Variants in ANKIB1 observed in about 807,000 individuals in gnomAD.
ANKIB1 encodes the protein ankyrin repeat and IBR domain containing 1.
Under a neutral mutation model 122.1 loss-of-function variants are expected in ANKIB1, and 43 were observed. That is an observed-to-expected ratio of 0.35 (90% CI 0.28 to 0.45). ANKIB1 has a LOEUF of 0.45. Among genes scored for constraint, ANKIB1 ranks in the 20% least tolerant of loss-of-function variants. The pLI is 1.00. For missense variants in ANKIB1, 992 were observed against 1,329.5 expected (o/e 0.75, Z 3.95); for synonymous variants, 390 against 442.0 (o/e 0.88, Z 1.48).
At chr7:92,346,558 G>T (rs1336073065) in intron 7 of ANKIB1, among the ~76,000 whole-genome samples, 2 of 152,192 alleles carry the variant, frequency 1.3e-5, no homozygotes, top group Non-Finnish European at 2.9e-5. Context: ...ACTTAGATAG[G>T]ATCAGATCAG....
intron 11 of ANKIB1, among the ~76,000 whole-genome samples, chr7:92,384,761 T>A (rs1435696965): frequency 6.6e-6 from 1 of 152,092 alleles, no homozygotes; most frequent in East Asian, 1.9e-4. Context: ...ACTTAACTAT[T>A]AGACCTAAAA....
chr7:92,382,944 G>A (rs529100426), intron 11 of ANKIB1, among the ~76,000 whole-genome samples: 113 of 152,092 alleles, frequency 7.4e-4, no homozygotes, highest in African/African-American at 2.6e-3. Flanking sequence ...AAATCAATGA[G>A]TCCAGGAGCT....
chr7:92,322,020 A>G (rs896028487), intron 4 of ANKIB1, among the ~76,000 whole-genome samples: 1 of 152,184 alleles, frequency 6.6e-6, no homozygotes, highest in Non-Finnish European at 1.5e-5. Flanking sequence ...ACTTGCCAGA[A>G]TCAAAGTGAG....
At chr7:92,350,034 GAAA>G (rs1221333108) in intron 7 of ANKIB1, among the ~76,000 whole-genome samples, 1 of 148,572 alleles carries the variant, frequency 6.7e-6, no homozygotes, top group African/African-American at 2.5e-5. Flanking sequence ...GAAAAGGAAA[GAAA>G]AAAAAGAACC....
intron 1 of ANKIB1, among the ~76,000 whole-genome samples, chr7:92,258,901 C>A (rs550124759): frequency 3.4e-4 from 52 of 152,252 alleles, no homozygotes; most frequent in African/African-American, 1.3e-3. Flanking sequence ...TAGCATCAAC[C>A]ACACATCAAA....
At position 92,396,405 on chromosome 7, in the gene ANKIB1, G is replaced by A. The variant is rs370944314; in HGVS notation, c.2324G>A (p.Arg775His). 10 of 1,598,006 alleles carry A rather than the reference G, an allele frequency of 6.3e-6. No individual in the cohort carries two copies. The highest frequency in any genetic ancestry group is 2.3e-5 in the East Asian group (1 of 44,380). The change falls in exon 18 of 20, where the codon CGT becomes CAT. Residue 775 changes from arginine to histidine, a missense_variant. Physicochemically the swap from Arg to His is conservative, Grantham distance 29. Coordinates refer to ENST00000265742, the MANE Select transcript of ANKIB1 (RefSeq NM_019004.2). ...EFQYRRRHRQ[R>H]RRGDVHSLLS... ...CAGTATCGGAGGAGGCACAGACAAC[G>A]TCGTCGAGGAGATGTTCACAGTCTA...
chr7:92,365,079 C>G (rs974159224), intron 10 of ANKIB1, among the ~76,000 whole-genome samples: 5 of 152,022 alleles, frequency 3.3e-5, no homozygotes, highest in African/African-American at 1.2e-4. Context: ...TAAATGTTAT[C>G]TTCATTATTT....
intron 5 of ANKIB1, among the ~76,000 whole-genome samples, chr7:92,340,674 TG>T (rs569965949): frequency 2.0e-3 from 305 of 152,346 alleles, no homozygotes; most frequent in African/African-American, 6.9e-3. Flanking sequence ...TTTAAATTTT[TG>T]TTGTAAGTAT....
rs922117606 is a variant in ANKIB1 at position 92,246,235 on chromosome 7, G to A, written c.-375G>A. ...CTTCCCCTCCCCCGAGTGAGGCGGCGCAGCGGCCGGAGAGGGATGGGGGGC... is the reference window on the plus strand; with the variant it reads ...CTTCCCCTCCCCCGAGTGAGGCGGCACAGCGGCCGGAGAGGGATGGGGGGC... On this transcript the variant is annotated 5_prime_UTR_variant, in exon 1 of 20. Transcript: ENST00000265742. 2.7e-6 allele frequency: 1 copy of A among 376,858 alleles called. No individual in the cohort carries two copies. The allele number at this position is 376,858 out of a possible 1,614,324, so 23.3% of individuals were successfully genotyped here.
intron 10 of ANKIB1, among the ~76,000 whole-genome samples, chr7:92,367,153 T>C (rs1206470300): frequency 6.6e-6 from 1 of 152,216 alleles, no homozygotes; most frequent in Non-Finnish European, 1.5e-5. Flanking sequence ...GATGGAAGAA[T>C]GTTTGAAAAC....
chr7:92,288,412 T>A (rs1206385670), intron 1 of ANKIB1, among the ~76,000 whole-genome samples: 2 of 152,208 alleles, frequency 1.3e-5, no homozygotes, highest in African/African-American at 2.4e-5. Flanking sequence ...TTAAAATGTT[T>A]GTTCTCCCAG....
At chr7:92,253,973 T>A (rs1247302127) in intron 1 of ANKIB1, among the ~76,000 whole-genome samples, 1 of 152,170 alleles carries the variant, frequency 6.6e-6, no homozygotes, top group Non-Finnish European at 1.5e-5. Flanking sequence ...GATCTATGAG[T>A]TCAGGAACCA....
At chr7:92,253,968 A>G (rs756143141) in intron 1 of ANKIB1, among the ~76,000 whole-genome samples, 3 of 152,198 alleles carry the variant, frequency 2.0e-5, no homozygotes, top group African/African-American at 4.8e-5. Flanking sequence ...GAAGTGATCT[A>G]TGAGTTCAGG....
At chr7:92,360,074 AT>A (rs149922393) in intron 9 of ANKIB1, among the ~76,000 whole-genome samples, 11,951 of 151,490 alleles carry the variant, frequency 0.079, 633 homozygotes, top group Middle Eastern at 0.12. Flanking sequence ...CAATTGGTGC[AT>A]TTTTTTTTAC....
At chr7:92,328,585 G>A (rs549089223) in intron 5 of ANKIB1, among the ~76,000 whole-genome samples, 1 of 151,930 alleles carries the variant, frequency 6.6e-6, no homozygotes, top group African/African-American at 2.4e-5. Context: ...TGACATTTTG[G>A]CTGGTTTCAT....
intron 5 of ANKIB1, among the ~76,000 whole-genome samples, chr7:92,328,832 C>G (rs1803088553): frequency 6.6e-6 from 1 of 150,708 alleles, no homozygotes; most frequent in Non-Finnish European, 1.5e-5. Flanking sequence ...GTAAAACTCC[C>G]TATTTTATCA....
rs1234372111 is a variant in ANKIB1 at position 92,400,883 on chromosome 7, A to G, written c.*1934A>G. On this transcript the variant is annotated 3_prime_UTR_variant, in exon 20 of 20. Transcript: ENST00000265742. ...TTTTTTTATAAATTTATTTTGGATT[A>G]AAAATATCAACACCAATAAGTTTTT... 1 of 152,234 alleles carries G rather than the reference A, an allele frequency of 6.6e-6. No homozygotes were observed. The highest frequency in any genetic ancestry group is 1.9e-4 in the East Asian group (1 of 5,208). 9.4% of individuals were successfully genotyped at this position (152,234 alleles called of 1,614,324 possible). A position where few individuals can be genotyped will look rare whatever the true frequency, so the allele number is the denominator to read the frequency against.
At chr7:92,352,384 G>T in intron 8 of ANKIB1, 92 bp from the exon 9 acceptor site, 1 of 1,305,734 alleles carries the variant, frequency 7.7e-7, no homozygotes, top group Non-Finnish European at 1.0e-6. Context: ...TTCTTTCTTT[G>T]CTTTATAGTA....
rs771746589 is a variant in ANKIB1 at position 92,319,310 on chromosome 7, T to C, written c.487-20T>C. ...TATTTGAACCTGTAGTTGCAAGTTT[T>C]TGAAAAAAAACTTTTTTAGCTTTTA... On this transcript the variant is annotated intron_variant, in intron 3 of 19. Transcript: ENST00000265742. 5 of 1,541,060 alleles carry C rather than the reference T, an allele frequency of 3.2e-6. No individual in the cohort carries two copies. In the South Asian group the frequency reaches 5.0e-5, roughly 15 times the overall value.
Sources: gnomAD v4.1 joint callset for allele counts (sites outside exome capture counted in the v4.1 genomes callset) on GRCh38, gnomAD v4.1.1 for gene constraint, MANE v1.5 for transcripts, NCBI Gene and HGNC (gene_info 2026-07-23, HGNC 2026-07-21) for gene names.